UNC5D: variants seen among roughly 807,000 people sequenced by gnomAD.
UNC5D encodes netrin receptor UNC5D.
A neutral mutation model predicts 105.4 loss-of-function variants in UNC5D; 39 were observed. That is an observed-to-expected ratio of 0.37 (90% CI 0.29 to 0.48). The LOEUF is 0.48. Ranked by LOEUF, UNC5D falls within the 20% of genes least tolerant of loss-of-function variation. UNC5D has a pLI of 0.98. For missense variants in UNC5D, 991 were observed against 1,202.4 expected, an observed-to-expected ratio of 0.82 and a Z score of 2.60; for synonymous variants, 452 against 450.4, an observed-to-expected ratio of 1.00 and a Z score of -0.04.
intron 1 of UNC5D, among the ~76,000 whole-genome samples, chr8:35,286,208 A>G (rs2950912): frequency 0.8 from 122,201 of 152,088 alleles, 49,903 homozygotes; most frequent in East Asian, 1. Flanking sequence ...CCATTTTCCC[A>G]GAGTGACACC....
chr8:35,538,297 A>G (rs1435430741), intron 1 of UNC5D, among the ~76,000 whole-genome samples: 11 of 150,992 alleles, frequency 7.3e-5, no homozygotes. Flanking sequence ...CAGTCCCTAT[A>G]GCTTCTAGGT....
At chr8:35,370,258 G>A (rs1802353238) in intron 1 of UNC5D, among the ~76,000 whole-genome samples, 1 of 152,158 alleles carries the variant, frequency 6.6e-6, no homozygotes, top group African/African-American at 2.4e-5. Flanking sequence ...ATCAAGAAAA[G>A]CTTGGGTGCT....
At chr8:35,251,720 T>C (rs1803710756) in intron 1 of UNC5D, among the ~76,000 whole-genome samples, 1 of 152,224 alleles carries the variant, frequency 6.6e-6, no homozygotes, top group Admixed American at 6.5e-5. Context: ...ATTCCTTGTT[T>C]TCCTTTAACC....
At chr8:35,409,651 T>C (rs1158515860) in intron 1 of UNC5D, among the ~76,000 whole-genome samples, 2 of 152,046 alleles carry the variant, frequency 1.3e-5, no homozygotes, top group Non-Finnish European at 2.9e-5. Flanking sequence ...AAATTTTTTA[T>C]TGAATATGTG....
chr8:35,385,965 A>T (rs375841187), intron 1 of UNC5D, among the ~76,000 whole-genome samples: 17 of 152,292 alleles, frequency 1.1e-4, no homozygotes, highest in East Asian at 9.7e-4. Context: ...TCACATCTAG[A>T]TACGATTCCA....
intron 4 of UNC5D, among the ~76,000 whole-genome samples, chr8:35,676,081 T>C (rs1452661551): frequency 6.6e-6 from 1 of 152,088 alleles, no homozygotes; most frequent in Non-Finnish European, 1.5e-5. Context: ...ATGCTGCCTA[T>C]TGGTGAGAAA....
intron 1 of UNC5D, among the ~76,000 whole-genome samples, chr8:35,399,718 C>T (rs961393438): frequency 6.6e-6 from 1 of 152,024 alleles, no homozygotes; most frequent in Non-Finnish European, 1.5e-5. Context: ...TTCAGTATAA[C>T]AATTTAAATT....
At chr8:35,327,951 G>A (rs1810300104) in intron 1 of UNC5D, among the ~76,000 whole-genome samples, 1 of 152,158 alleles carries the variant, frequency 6.6e-6, no homozygotes, top group South Asian at 2.1e-4. Context: ...ACAGTCAGTG[G>A]GTTCATTTGT....
At chr8:35,648,752 C>T (rs771409743) in intron 4 of UNC5D, among the ~76,000 whole-genome samples, 4 of 149,376 alleles carry the variant, frequency 2.7e-5, no homozygotes, top group East Asian at 2.0e-4. Context: ...AGATAGTTTG[C>T]GAGGAACAAA....
intron 4 of UNC5D, among the ~76,000 whole-genome samples, chr8:35,618,216 T>A (rs961385249): frequency 5.3e-5 from 8 of 152,160 alleles, no homozygotes; most frequent in Admixed American, 2.0e-4. Context: ...GCTTAGGCGA[T>A]CAGTTTAATC....
In UNC5D at chr8:35,574,430, G is replaced by T. The variant is rs557905931; in HGVS notation, c.466+6189G>T. Among the ~76,000 whole-genome samples the T allele has an allele frequency of 2.3e-4, 35 of 152,264 alleles. 1 individual carries two copies. In the South Asian group the frequency reaches 7.0e-3, roughly 31 times the overall value. On this transcript the variant is annotated intron_variant, in intron 3 of 16. Transcript: ENST00000404895. The stretch of plus-strand genomic sequence containing the variant: ...CTGAATATAATTTAAATATGCTGCT[G>T]ATTTAAGACACCCCTAAAATAGCTA...
rs547260549 is a variant in UNC5D at position 35,741,713 on chromosome 8, A to G, written c.1767-6814A>G. ...TTGACCATCAACTATATTCCACTTCAGAATGGACTGTCCTATATTTGATGG... is the reference window on the plus strand; with the variant it reads ...TTGACCATCAACTATATTCCACTTCGGAATGGACTGTCCTATATTTGATGG... On this transcript the variant is annotated intron_variant, in intron 11 of 16. Transcript: ENST00000404895. Among the ~76,000 whole-genome samples, 4 of 152,314 alleles carry G rather than the reference A, an allele frequency of 2.6e-5. No individual in the cohort carries two copies. In the East Asian group the frequency reaches 7.7e-4, roughly 29 times the overall value.
intron 1 of UNC5D, among the ~76,000 whole-genome samples, chr8:35,397,754 G>A (rs1804197799): frequency 6.6e-6 from 1 of 152,086 alleles, no homozygotes; most frequent in South Asian, 2.1e-4. Context: ...TGCTGCAATA[G>A]CGTCCAAACT....
At position 35,305,587 on chromosome 8, in the gene UNC5D, T is replaced by C. The variant is rs960151885; in HGVS notation, c.103+69700T>C. ...CCTTTCTTTCTTTCTTTTTCTTTCT[T>C]TCTTTCTTTCTTTCTTTCTTTCTTT... On this transcript the variant is annotated intron_variant, in intron 1 of 16. Coordinates refer to ENST00000404895, the MANE Select transcript of UNC5D (RefSeq NM_080872.4). Among the ~76,000 whole-genome samples, 141 of 72,586 alleles carry C rather than the reference T, an allele frequency of 1.9e-3. 2 individuals are homozygous for C. Among genetic ancestry groups the C allele is most frequent in the Admixed American group, 4.6e-3 (34 of 7,406 alleles). 47.6% of individuals were successfully genotyped at this position (72,586 alleles called of 152,430 possible). A position where few individuals can be genotyped will look rare whatever the true frequency, so the allele number is the denominator to read the frequency against.
At chr8:35,525,070 C>G (rs1813767788) in intron 1 of UNC5D, 1 of 1,044,026 alleles carries the variant, frequency 9.6e-7, no homozygotes, top group Middle Eastern at 3.2e-4. Context: ...TTGTTAAGAG[C>G]CAACAGGACA....
chr8:35,618,596 T>A (rs1198039258), intron 4 of UNC5D, among the ~76,000 whole-genome samples: 1 of 152,224 alleles, frequency 6.6e-6, no homozygotes, highest in Non-Finnish European at 1.5e-5. Flanking sequence ...TTAGTTACCA[T>A]ACATTGAGGA....
chr8:35,304,588 A>C (rs565276391), intron 1 of UNC5D, among the ~76,000 whole-genome samples: 4 of 152,180 alleles, frequency 2.6e-5, no homozygotes, highest in African/African-American at 9.6e-5. Flanking sequence ...GTATGCGTGC[A>C]TGTGTGTGTT....
chr8:35,249,455 G>A (rs1803532368), intron 1 of UNC5D, among the ~76,000 whole-genome samples: 1 of 150,894 alleles, frequency 6.6e-6, no homozygotes, highest in Admixed American at 6.6e-5. Context: ...CTACTCGGGA[G>A]GCTGAGGCAG....
intron 1 of UNC5D, among the ~76,000 whole-genome samples, chr8:35,395,966 A>G (rs893970105): frequency 6.6e-6 from 1 of 152,198 alleles, no homozygotes; most frequent in African/African-American, 2.4e-5. Context: ...TTTTCCTGAT[A>G]TGGTGACTTT....
Sources: gnomAD v4.1 joint callset for allele counts (sites outside exome capture counted in the v4.1 genomes callset) on GRCh38, gnomAD v4.1.1 for gene constraint, MANE v1.5 for transcripts, NCBI Gene and HGNC (gene_info 2026-07-23, HGNC 2026-07-21) for gene names.